The following CEP350 variants were observed in gnomAD, a reference collection of about 807,000 sequenced individuals.
CEP350 encodes centrosome-associated protein 350.
A neutral mutation model predicts 331.8 loss-of-function variants in CEP350; 126 were observed. That is an observed-to-expected ratio of 0.38 (90% CI 0.33 to 0.44). The LOEUF (loss-of-function observed/expected upper bound fraction) is 0.44, where lower values mean the gene tolerates loss of function less well. Among genes scored for constraint, CEP350 ranks in the 20% least tolerant of loss-of-function variants. The pLI is 1.00. For missense variants in CEP350, 3,406 were observed against 3,634.6 expected, an observed-to-expected ratio of 0.94 and a Z score of 1.62; for synonymous variants, 1,200 against 1,259.5, an observed-to-expected ratio of 0.95 and a Z score of 1.00.
chr1:180,062,801 A>G (rs74901901), intron 26 of CEP350, among the ~76,000 whole-genome samples: 12,677 of 152,172 alleles, frequency 0.083, 703 homozygotes, highest in Non-Finnish European at 0.12. Flanking sequence ...CAAAAGTTCT[A>G]CCTCTCAAAT....
rs1654693890 is a variant in CEP350 at position 180,012,032 on chromosome 1, A to G, written c.1350A>G (p.Thr450=). ...APRMEPKEQR[T]ASSDRGGRER... ...GAATGGAGCCAAAAGAGCAAAGAAC[A>G]GCATCAAGTGACAGAGGTGGAAGAG... Residue 450 remains threonine, a synonymous_variant, in exon 9 of 38, where the codon ACA becomes ACG. Coordinates refer to ENST00000367607, the MANE Select transcript of CEP350 (RefSeq NM_014810.5). The G allele has an allele frequency of 1.9e-6, 3 of 1,577,290 alleles. No homozygotes were observed. The highest frequency in any genetic ancestry group is 2.6e-6 in the Non-Finnish European group (3 of 1,160,666).
At chr1:180,087,203 G>C (rs1659918394) in intron 31 of CEP350, 1 of 155,788 alleles carries the variant, frequency 6.4e-6, no homozygotes, top group African/African-American at 2.4e-5. Context: ...TTGAAACTCA[G>C]AACAGAATGA....
At chr1:180,101,550 T>C (rs1250833967) in intron 37 of CEP350, among the ~76,000 whole-genome samples, 2 of 152,132 alleles carry the variant, frequency 1.3e-5, no homozygotes, top group Non-Finnish European at 2.9e-5. Context: ...GTGTGTGGAC[T>C]TTTCCCCCAC....
intron 7 of CEP350, among the ~76,000 whole-genome samples, chr1:180,003,789 A>G (rs1297452014): frequency 1.3e-5 from 2 of 152,220 alleles, no homozygotes; most frequent in Non-Finnish European, 2.9e-5. Flanking sequence ...CCTACCGAAT[A>G]GTATGAGCTT....
chr1:179,959,821 A>T (rs899910962), intron 1 of CEP350, among the ~76,000 whole-genome samples: 1 of 152,132 alleles, frequency 6.6e-6, no homozygotes, highest in African/African-American at 2.4e-5. Context: ...TCTATAATAA[A>T]TATATTTGTT....
rs373970058 is a variant in CEP350, at chr1:180,048,103, A to G, written c.4623-433A>G. On this transcript the variant is annotated intron_variant, in intron 21 of 37. Transcript: ENST00000367607. ...ATCTAATATTGCAAAGCAATAAATT[A>G]TGTATTGGATTTGGCAATTCAAAGT... Among the ~76,000 whole-genome samples the G allele has an allele frequency of 3.4e-4, 52 of 152,334 alleles. 1 individual carries two copies. In the East Asian group the frequency reaches 7.1e-3, roughly 21 times the overall value.
chr1:180,063,294 T>A (rs1658348570), intron 26 of CEP350, among the ~76,000 whole-genome samples: 1 of 146,858 alleles, frequency 6.8e-6, no homozygotes, highest in South Asian at 2.2e-4. Context: ...AGGGGTTAGG[T>A]AATCCTCTCA....
chr1:180,071,417 C>T (rs1658885259), intron 27 of CEP350, among the ~76,000 whole-genome samples: 1 of 149,710 alleles, frequency 6.7e-6, no homozygotes, highest in Non-Finnish European at 1.5e-5. Flanking sequence ...TGAGGTCGCA[C>T]CATTGCACTC....
At chr1:180,038,901 G>T (rs570874010) in intron 17 of CEP350, among the ~76,000 whole-genome samples, 5 of 152,028 alleles carry the variant, frequency 3.3e-5, no homozygotes, top group African/African-American at 1.2e-4. Context: ...TTCTTTTGTG[G>T]TAGAACCTTT....
At chr1:180,015,452 T>C (rs951743483) in intron 10 of CEP350, among the ~76,000 whole-genome samples, 58 of 152,176 alleles carry the variant, frequency 3.8e-4, no homozygotes, top group Non-Finnish European at 7.4e-4. Context: ...GCCAGGATGG[T>C]CTCGATCTCC....
Position 180,043,173 on chromosome 1 carries a change from A to G in CEP350, c.4480A>G (p.Thr1494Ala), listed in dbSNP as rs746105590. 2.9e-5 allele frequency: 47 copies of G among 1,613,254 alleles called. No individual in the cohort carries two copies. Among genetic ancestry groups the G allele is most frequent in the Non-Finnish European group, 4.0e-5 (47 of 1,179,578 alleles). Residue 1494 changes from threonine to alanine, a missense_variant, in exon 20 of 38, where the codon ACC (threonine) becomes GCC (alanine). Around this residue, in one of 5 missense-constraint regions of CEP350, gnomAD observed 1,857 missense variants for 1,909.2 expected, o/e 0.97. Transcript: ENST00000367607. ...TCCAGACTTTGTGAAACAGCTGAGG[A>G]CCAGAACTGAAACAGATAGGTTAAT... is the stretch of plus-strand genomic sequence containing the variant. ...HLPDFVKQLR[T>A]RTETDRKSPS...
chr1:180,109,125 T>A (rs1192422184), intron 37 of CEP350, among the ~76,000 whole-genome samples: 6 of 148,134 alleles, frequency 4.1e-5, no homozygotes, highest in African/African-American at 1.5e-4. Context: ...CACTTTCTCT[T>A]TTTTTTTTTT....
chr1:180,078,414 T>C (rs990522698), intron 28 of CEP350, 49 bp from the exon 29 acceptor site: 1 of 1,368,870 alleles, frequency 7.3e-7, no homozygotes, highest in Non-Finnish European at 1.0e-6. Context: ...AATTTTCCCA[T>C]TGACCAAGAT....
chr1:180,066,502 G>GT (rs1399935733), intron 27 of CEP350, among the ~76,000 whole-genome samples: 5 of 152,184 alleles, frequency 3.3e-5, no homozygotes, highest in African/African-American at 4.8e-5. Flanking sequence ...GTCAAGAGTT[G>GT]TAAGTTAAAT....
chr1:180,099,484 A>C (rs1209132991), intron 37 of CEP350, among the ~76,000 whole-genome samples: 1 of 152,212 alleles, frequency 6.6e-6, no homozygotes, highest in Non-Finnish European at 1.5e-5. Context: ...CATCACTATT[A>C]TCATTATCCA....
rs1481954494 is a variant in CEP350 at position 180,080,590 on chromosome 1, G to A, written c.6053G>A (p.Cys2018Tyr). ...SKGSHRTGGQCHLPIKSHQHC... is the reference protein window; with the variant it reads ...SKGSHRTGGQYHLPIKSHQHC... Reference sequence around the variant, plus strand: ...GGAAGTCATAGGACTGGAGGACAATGTCACCTGCCTATCAAGTCCCATCAG... The same window carrying A: ...GGAAGTCATAGGACTGGAGGACAATATCACCTGCCTATCAAGTCCCATCAG... Residue 2018 changes from cysteine to tyrosine, a missense_variant, in exon 30 of 38, where the codon TGT (cysteine) becomes TAT (tyrosine). By Grantham distance (194) the Cys-to-Tyr change is radical (BLOSUM62 -2). Coordinates refer to ENST00000367607, the MANE Select transcript of CEP350 (RefSeq NM_014810.5). The A allele has an allele frequency of 1.9e-6, 3 of 1,613,814 alleles. No individual in the cohort carries two copies. The highest frequency in any genetic ancestry group is 1.1e-5 in the South Asian group (1 of 91,086).
chr1:180,054,750 A>G (rs1398478595), intron 25 of CEP350, among the ~76,000 whole-genome samples: 1 of 152,224 alleles, frequency 6.6e-6, no homozygotes, highest in Non-Finnish European at 1.5e-5. Flanking sequence ...ACCTTCATGT[A>G]GTAAGTAGAA....
intron 11 of CEP350, among the ~76,000 whole-genome samples, chr1:180,018,874 T>TC (rs1553255707): frequency 3.3e-5 from 5 of 151,120 alleles, no homozygotes; most frequent in South Asian, 2.1e-4. Context: ...TTTTTTTTTT[T>TC]CTGAGACAGT....
intron 19 of CEP350, among the ~76,000 whole-genome samples, chr1:180,042,512 G>A (rs1255770469): frequency 2.0e-5 from 3 of 152,140 alleles, no homozygotes; most frequent in Non-Finnish European, 4.4e-5. Flanking sequence ...CTGTGGAGTT[G>A]TACATTTTAG....
Sources: allele counts gnomAD v4.1 joint callset (sites outside exome capture counted in the v4.1 genomes callset), GRCh38; gene constraint gnomAD v4.1.1; regional missense constraint gnomAD v4.1.1; transcripts MANE v1.5; gene names NCBI Gene and HGNC (gene_info 2026-07-23, HGNC 2026-07-21).